The following REV1 variants were observed in gnomAD, a reference collection of about 807,000 sequenced individuals.
REV1 encodes the protein REV1 DNA directed polymerase.
In REV1, 42 loss-of-function variants were observed where a neutral mutation model predicts 137.4. That is an observed-to-expected ratio of 0.31 (90% CI 0.24 to 0.40). REV1 has a LOEUF of 0.40. Ranked by LOEUF, REV1 falls within the 10% of genes least tolerant of loss-of-function variation. REV1 has a pLI of 1.00. For missense variants in REV1, 1,282 were observed against 1,490.1 expected (o/e 0.86, Z 2.30); for synonymous variants, 524 against 519.2 (o/e 1.01, Z -0.12).
At chr2:99,484,290 GA>G (rs1455983006) in intron 1 of REV1, among the ~76,000 whole-genome samples, 1 of 152,126 alleles carries the variant, frequency 6.6e-6, no homozygotes, top group Non-Finnish European at 1.5e-5. Flanking sequence ...CTTAATACCT[GA>G]GTGATGAAAC....
chr2:99,443,905 C>T (rs1681833215), intron 4 of REV1, among the ~76,000 whole-genome samples: 1 of 151,786 alleles, frequency 6.6e-6, no homozygotes, highest in Non-Finnish European at 1.5e-5. Flanking sequence ...TGCAGTGGCG[C>T]GATCTCGGCT....
intron 1 of REV1, among the ~76,000 whole-genome samples, chr2:99,482,652 G>C (rs1686730706): frequency 6.6e-6 from 1 of 152,080 alleles, no homozygotes; most frequent in Non-Finnish European, 1.5e-5. Flanking sequence ...AAAAAAGTTA[G>C]GTAAAAGCAC....
At chr2:99,401,587 A>AAAT (rs1675428296) in intron 22 of REV1, among the ~76,000 whole-genome samples, 1 of 152,054 alleles carries the variant, frequency 6.6e-6, no homozygotes, top group Non-Finnish European at 1.5e-5. Flanking sequence ...TCTCTACAAA[A>AAAT]AATAGAAAAA....
chr2:99,402,132 C>G (rs994934443), intron 22 of REV1, 112 bp downstream of exon 22: 1 of 575,896 alleles, frequency 1.7e-6, no homozygotes, highest in East Asian at 3.1e-5. Context: ...ATATCACTTT[C>G]TCATTAACCC....
At chr2:99,473,927 C>G (rs1413649086) in intron 1 of REV1, among the ~76,000 whole-genome samples, 1 of 152,158 alleles carries the variant, frequency 6.6e-6, no homozygotes, top group African/African-American at 2.4e-5. Flanking sequence ...ATGCTAAGTA[C>G]AGTATGCAAT....
chr2:99,433,101 T>C (rs568022685), intron 8 of REV1, among the ~76,000 whole-genome samples: 1 of 152,346 alleles, frequency 6.6e-6, no homozygotes, highest in Non-Finnish European at 1.5e-5. Flanking sequence ...ATGACAAGTA[T>C]TGTGTACTTC....
upstream of REV1, chr2:99,490,039 A>C (rs1004452776): frequency 7.3e-6 from 1 of 136,392 alleles, no homozygotes; most frequent in African/African-American, 2.8e-5. Flanking sequence ...CCCTCCGGTT[A>C]GCGCGCGCGC....
intron 9 of REV1, among the ~76,000 whole-genome samples, chr2:99,428,302 A>G (rs1041914814): frequency 5.9e-5 from 9 of 152,310 alleles, no homozygotes; most frequent in Admixed American, 5.9e-4. Flanking sequence ...AAAAGAGACT[A>G]GCCTACTGAG....
intron 4 of REV1, 113 bp from the exon 5 acceptor site, chr2:99,442,582 T>C: frequency 2.1e-6 from 2 of 968,564 alleles, no homozygotes; most frequent in Non-Finnish European, 3.1e-6. Flanking sequence ...AGGTCATCTG[T>C]TTTCCTAGTT....
intron 10 of REV1, among the ~76,000 whole-genome samples, chr2:99,422,006 C>G (rs1172868411): frequency 6.6e-6 from 1 of 152,170 alleles, no homozygotes; most frequent in Non-Finnish European, 1.5e-5. Context: ...GAGTTGAAAA[C>G]CGGTGGGTGA....
chr2:99,476,808 T>C (rs1249825164), intron 1 of REV1, among the ~76,000 whole-genome samples: 1 of 152,136 alleles, frequency 6.6e-6, no homozygotes, highest in African/African-American at 2.4e-5. Flanking sequence ...GCAATCTCCA[T>C]GAGTAGTGTC....
intron 5 of REV1, among the ~76,000 whole-genome samples, chr2:99,440,310 T>C (rs1681316582): frequency 6.6e-6 from 1 of 152,238 alleles, no homozygotes; most frequent in African/African-American, 2.4e-5. Flanking sequence ...ATAGCATTAA[T>C]TCAATTACAG....
intron 3 of REV1, among the ~76,000 whole-genome samples, chr2:99,452,049 A>C (rs975573357): frequency 1.5e-4 from 23 of 152,084 alleles, no homozygotes; most frequent in Admixed American, 1.3e-4. Flanking sequence ...AAGAACATAC[A>C]CGATAACTGC....
chr2:99,413,884 G>T (rs114409502), intron 12 of REV1, among the ~76,000 whole-genome samples: 131 of 152,282 alleles, frequency 8.6e-4, no homozygotes, highest in South Asian at 8.3e-4. Context: ...TATCAAAAGA[G>T]AACTCAGGCT....
intron 1 of REV1, among the ~76,000 whole-genome samples, chr2:99,479,943 C>T (rs1559421520): frequency 1.3e-5 from 2 of 152,008 alleles, no homozygotes; most frequent in Non-Finnish European, 2.9e-5. Context: ...TAGGATTTTA[C>T]AGGATAGAAG....
chr2:99,481,603 C>A (rs1250959703), intron 1 of REV1, among the ~76,000 whole-genome samples: 2 of 152,184 alleles, frequency 1.3e-5, no homozygotes, highest in African/African-American at 4.8e-5. Flanking sequence ...GTGGCACATG[C>A]CTGTATACCA....
chr2:99,465,926 C>A (rs1684745045), intron 1 of REV1, among the ~76,000 whole-genome samples: 3 of 152,038 alleles, frequency 2.0e-5, no homozygotes. Flanking sequence ...CAGATAATTT[C>A]TTTCTTTCTT....
intron 1 of REV1, among the ~76,000 whole-genome samples, chr2:99,476,872 C>G (rs1434805123): frequency 1.3e-5 from 2 of 152,208 alleles, no homozygotes; most frequent in African/African-American, 4.8e-5. Flanking sequence ...CAGAGGATAA[C>G]TGGAAGTTTC....
intron 3 of REV1, among the ~76,000 whole-genome samples, chr2:99,452,117 T>G (rs1378229037): frequency 6.6e-6 from 1 of 151,864 alleles, no homozygotes; most frequent in East Asian, 1.9e-4. Context: ...TCAGCAGATG[T>G]GGGGTTAATT....
Sources: gnomAD v4.1 joint callset for allele counts (sites outside exome capture counted in the v4.1 genomes callset) on GRCh38, gnomAD v4.1.1 for gene constraint, MANE v1.5 for transcripts, NCBI Gene and HGNC (gene_info 2026-07-23, HGNC 2026-07-21) for gene names.